KCNT2: variants seen among roughly 807,000 people sequenced by gnomAD.
KCNT2 encodes potassium channel subfamily T member 2.
In KCNT2, 67 loss-of-function variants were observed where a neutral mutation model predicts 153.8. That is an observed-to-expected ratio of 0.44 (90% CI 0.36 to 0.53). KCNT2 has a LOEUF of 0.53. Ranked by LOEUF, KCNT2 falls within the 20% of genes least tolerant of loss-of-function variation. The pLI, the probability that KCNT2 is intolerant of heterozygous loss-of-function variation, is 0.00. For synonymous variants in KCNT2, 500 were observed against 458.8 expected, an observed-to-expected ratio of 1.09 and a Z score of -1.15; for missense variants, 975 against 1,354.8, an observed-to-expected ratio of 0.72 and a Z score of 4.40.
At chr1:196,544,343 A>G (rs771738099) in intron 1 of KCNT2, among the ~76,000 whole-genome samples, 8 of 151,970 alleles carry the variant, frequency 5.3e-5, no homozygotes, top group Admixed American at 1.3e-4. Context: ...TTTGAGGCAT[A>G]TATTGGAAAA....
At chr1:196,404,255 G>GT in intron 12 of KCNT2, 1 of 256,440 alleles carries the variant, frequency 3.9e-6, no homozygotes, top group East Asian at 1.8e-4. Context: ...CTGGCTTGGA[G>GT]TAAGGGCAAC....
intron 8 of KCNT2, among the ~76,000 whole-genome samples, chr1:196,460,433 T>G (rs1192464229): frequency 6.6e-6 from 1 of 151,804 alleles, no homozygotes. Context: ...AAGGGTATTG[T>G]TATTCCAGAA....
intron 22 of KCNT2, among the ~76,000 whole-genome samples, chr1:196,302,719 C>A (rs1661300585): frequency 6.6e-6 from 1 of 151,830 alleles, no homozygotes; most frequent in Non-Finnish European, 1.5e-5. Context: ...AGAGTTAGGA[C>A]CCCAGCACAA....
At chr1:196,427,086 C>A (rs918848761) in intron 10 of KCNT2, among the ~76,000 whole-genome samples, 1 of 151,700 alleles carries the variant, frequency 6.6e-6, no homozygotes, top group Non-Finnish European at 1.5e-5. Context: ...AAAATTTTCC[C>A]ACAAATGGAT....
chr1:196,326,673 T>C (rs1171887542), intron 19 of KCNT2, 44 bp downstream of exon 19: 2 of 1,198,164 alleles, frequency 1.7e-6, no homozygotes, highest in Non-Finnish European at 2.3e-6. Flanking sequence ...TAACATACTA[T>C]TAAAAACAGT....
At chr1:196,600,537 T>C (rs1318253313) in intron 1 of KCNT2, among the ~76,000 whole-genome samples, 1 of 152,144 alleles carries the variant, frequency 6.6e-6, no homozygotes, top group Admixed American at 6.5e-5. Flanking sequence ...AAACTAATGA[T>C]GTAGTTTGGT....
At chr1:196,410,295 G>C (rs1006833903) in intron 12 of KCNT2, among the ~76,000 whole-genome samples, 8 of 149,500 alleles carry the variant, frequency 5.4e-5, no homozygotes, top group Non-Finnish European at 8.9e-5. Flanking sequence ...CTTTGATTTT[G>C]TCCTTTGCTA....
chr1:196,275,125 C>G (rs1430066171), intron 25 of KCNT2, among the ~76,000 whole-genome samples: 2 of 151,838 alleles, frequency 1.3e-5, no homozygotes, highest in South Asian at 4.2e-4. Flanking sequence ...CTTCAGGGAG[C>G]CTTTTGACAT....
chr1:196,359,083 C>T (rs1043777113), intron 14 of KCNT2, among the ~76,000 whole-genome samples: 5 of 151,764 alleles, frequency 3.3e-5, no homozygotes, highest in African/African-American at 4.8e-5. Context: ...TTATTTTTCC[C>T]GAATGATAAA....
chr1:196,298,552 G>A (rs1015097879), intron 22 of KCNT2, among the ~76,000 whole-genome samples: 2 of 152,014 alleles, frequency 1.3e-5, no homozygotes, highest in Admixed American at 6.6e-5. Context: ...CTCTCAGGAC[G>A]TCAACATGTT....
intron 1 of KCNT2, among the ~76,000 whole-genome samples, chr1:196,581,648 CTG>C (rs1244174039): frequency 1.3e-5 from 2 of 151,946 alleles, no homozygotes; most frequent in Non-Finnish European, 2.9e-5. Flanking sequence ...GGAGGGGAAA[CTG>C]TTATTAGTAA....
At chr1:196,368,836 C>A (rs1380895142) in intron 14 of KCNT2, among the ~76,000 whole-genome samples, 1 of 152,130 alleles carries the variant, frequency 6.6e-6, no homozygotes, top group Non-Finnish European at 1.5e-5. Context: ...AGGAACCAAG[C>A]GTGCAGCAAT....
chr1:196,388,162 T>C (rs1670159453), intron 13 of KCNT2, among the ~76,000 whole-genome samples: 1 of 151,778 alleles, frequency 6.6e-6, no homozygotes, highest in Non-Finnish European at 1.5e-5. Flanking sequence ...CTGAACTATC[T>C]GTTGAAGATT....
At chr1:196,244,437 C>G (rs1925332) in intron 26 of KCNT2, among the ~76,000 whole-genome samples, 108,341 of 151,930 alleles carry the variant, frequency 0.71, 41,917 homozygotes, top group East Asian at 0.94. Context: ...GTCAGCATTT[C>G]TGGACCTTCC....
intron 25 of KCNT2, among the ~76,000 whole-genome samples, chr1:196,260,172 A>G (rs967701701): frequency 6.6e-6 from 1 of 151,852 alleles, no homozygotes; most frequent in African/African-American, 2.4e-5. Flanking sequence ...ATAAGTCCCT[A>G]TGAGTGATAG....
chr1:196,247,217 T>C (rs2102282095), intron 26 of KCNT2, among the ~76,000 whole-genome samples: 1 of 152,156 alleles, frequency 6.6e-6, no homozygotes, highest in Non-Finnish European at 1.5e-5. Context: ...AAGGGGTAAA[T>C]TTAGAAAAAG....
At chr1:196,592,734 T>C (rs10399651) in intron 1 of KCNT2, among the ~76,000 whole-genome samples, 114,523 of 146,422 alleles carry the variant, frequency 0.78, 47,998 homozygotes, top group East Asian at 0.97. Flanking sequence ...TATACATATA[T>C]ATATATAGTC....
intron 14 of KCNT2, among the ~76,000 whole-genome samples, chr1:196,365,618 T>A (rs1194653312): frequency 2.0e-5 from 3 of 152,162 alleles, no homozygotes. Flanking sequence ...CCAAAAAAAA[T>A]CTAAATAAAA....
chr1:196,333,729 G>T, intron 17 of KCNT2, 118 bp downstream of exon 17: 1 of 663,942 alleles, frequency 1.5e-6, no homozygotes, highest in Non-Finnish European at 2.7e-6. Context: ...AATGATTCTA[G>T]GATGTTCAGA....
Sources: gnomAD v4.1 joint callset for allele counts (sites outside exome capture counted in the v4.1 genomes callset) on GRCh38, gnomAD v4.1.1 for gene constraint, MANE v1.5 for transcripts, NCBI Gene and HGNC (gene_info 2026-07-23, HGNC 2026-07-21) for gene names.